Variants in CYP2C18 observed in about 807,000 individuals in gnomAD.
CYP2C18 encodes the protein cytochrome P450 family 2 subfamily C member 18, also known as cytochrome P450 2C18.
A neutral mutation model predicts 41.3 loss-of-function variants in CYP2C18; 38 were observed. That is an observed-to-expected ratio of 0.92 (90% CI 0.71 to 1.21). CYP2C18 has a LOEUF of 1.21. Among genes scored for constraint, CYP2C18 ranks in the 50% most tolerant of loss-of-function variants. The pLI is 0.00. For synonymous variants in CYP2C18, 236 were observed against 210.0 expected, an observed-to-expected ratio of 1.12 and a Z score of -1.07; for missense variants, 635 against 591.4, an observed-to-expected ratio of 1.07 and a Z score of -0.77.
In CYP2C18 at chr10:94,733,345, G is replaced by T. The variant is rs1484221641; in HGVS notation, c.1198G>T (p.Glu400Ter). ...SLTSVLHNDK[E>*]FPNPEMFDPG... The stretch of plus-strand genomic sequence containing the variant: ...GACTTCTGTGCTGCACAATGACAAA[G>T]AATTCCCCAACCCAGAGATGTTTGA... Residue 400 changes from glutamate (E) to a stop codon, truncating the protein, a stop_gained, in exon 8 of 9, where the codon GAA (glutamate) becomes TAA (stop). Transcript: ENST00000285979. LOFTEE classifies it high-confidence loss of function. 7 of 1,613,424 alleles carry T rather than the reference G, an allele frequency of 4.3e-6. No homozygotes were observed. The East Asian group carries it at 1.1e-4, about 26-fold the overall frequency.
chr10:94,699,676 G>T (rs1847195361), intron 4 of CYP2C18, among the ~76,000 whole-genome samples: 1 of 152,162 alleles, frequency 6.6e-6, no homozygotes, highest in Non-Finnish European at 1.5e-5. Context: ...AGTAAAGGAG[G>T]AAGTAAAATT....
At chr10:94,714,470 C>A (rs556178821) in intron 5 of CYP2C18, among the ~76,000 whole-genome samples, 1 of 152,084 alleles carries the variant, frequency 6.6e-6, no homozygotes, top group South Asian at 2.1e-4. Flanking sequence ...TCAGGTTTGT[C>A]AAAGATCAGA....
chr10:94,695,013 G>T lies in CYP2C18; in HGVS notation c.578G>T (p.Arg193Met). The change falls in exon 4 of 9, where the codon AGG (arginine) becomes ATG (methionine). Residue 193 changes from arginine to methionine, a missense_variant. Physicochemically the swap from Arg to Met is moderately conservative, Grantham distance 91 (BLOSUM62 -1). Coordinates refer to ENST00000285979, the MANE Select transcript of CYP2C18 (RefSeq NM_000772.3). ...GATCGATTTGATTATAAAGATCAGAGGTTTCTTAACTTGATGGAAAAATTC... is the reference window on the plus strand; with the variant it reads ...GATCGATTTGATTATAAAGATCAGATGTTTCTTAACTTGATGGAAAAATTC... ...FHDRFDYKDQ[R>M]FLNLMEKFNE... The T allele has an allele frequency of 6.2e-7, 1 of 1,613,236 alleles. No individual in the cohort carries two copies. Among genetic ancestry groups the T allele is most frequent in the Non-Finnish European group, 8.5e-7 (1 of 1,179,880 alleles).
intron 5 of CYP2C18, among the ~76,000 whole-genome samples, chr10:94,718,039 T>A (rs1460777407): frequency 2.0e-5 from 3 of 152,058 alleles, no homozygotes; most frequent in Admixed American, 6.6e-5. Flanking sequence ...CATAAATTTC[T>A]TTAGATAGTA....
At chr10:94,684,084 G>A (rs1295844740) in intron 1 of CYP2C18, 97 bp downstream of exon 1, 2 of 848,346 alleles carry the variant, frequency 2.4e-6, no homozygotes, top group African/African-American at 1.7e-5. Flanking sequence ...AATGATAATT[G>A]TATATATTAA....
At chr10:94,697,870 A>C (rs1382185245) in intron 4 of CYP2C18, among the ~76,000 whole-genome samples, 2 of 152,234 alleles carry the variant, frequency 1.3e-5, no homozygotes, top group Admixed American at 6.5e-5. Flanking sequence ...AACAAAGATC[A>C]AAAGAGACAA....
Position 94,683,748 on chromosome 10 carries a change from G to A in CYP2C18, c.-72G>A. 1 of 1,185,402 alleles carries A rather than the reference G, an allele frequency of 8.4e-7. No homozygotes were observed. The highest frequency in any genetic ancestry group is 2.5e-5 in the East Asian group (1 of 39,866). 73.4% of individuals were successfully genotyped at this position (1,185,402 alleles called of 1,614,324 possible). On this transcript the variant is annotated 5_prime_UTR_variant, in exon 1 of 9. Transcript: ENST00000285979. ...ACAGTCAGAGTCAGAATCACAGGTG[G>A]ATTAGTAGGGAGTGTTATAAAAGCC...
intron 2 of CYP2C18, 75 bp downstream of exon 2, chr10:94,688,007 A>G (rs1403204105): frequency 6.3e-7 from 1 of 1,595,564 alleles, no homozygotes; most frequent in Non-Finnish European, 8.6e-7. Context: ...GGGAGGATGG[A>G]AAACAGGCTT....
chr10:94,716,123 T>A (rs2134198526), intron 5 of CYP2C18, among the ~76,000 whole-genome samples: 1 of 152,310 alleles, frequency 6.6e-6, no homozygotes, highest in South Asian at 2.1e-4. Flanking sequence ...GTTGATCTTT[T>A]CAAAAAACCA....
chr10:94,706,128 G>A (rs1242499389), intron 4 of CYP2C18, among the ~76,000 whole-genome samples: 2 of 152,162 alleles, frequency 1.3e-5, no homozygotes, highest in East Asian at 3.8e-4. Flanking sequence ...AGGTTAAGAT[G>A]ACAAAATGAT....
intron 6 of CYP2C18, among the ~76,000 whole-genome samples, chr10:94,720,747 G>A (rs1847633417): frequency 6.6e-6 from 1 of 152,100 alleles, no homozygotes; most frequent in Admixed American, 6.6e-5. Context: ...AAGACAGTGT[G>A]ATCAGTAGCA....
At chr10:94,696,079 C>T (rs913126745) in intron 4 of CYP2C18, among the ~76,000 whole-genome samples, 37 of 152,128 alleles carry the variant, frequency 2.4e-4, no homozygotes, top group African/African-American at 8.7e-4. Flanking sequence ...AAACAAAAGG[C>T]AGCAGAAAAC....
intron 4 of CYP2C18, among the ~76,000 whole-genome samples, chr10:94,700,824 C>A (rs151241697): frequency 0.012 from 1,762 of 152,278 alleles, 21 homozygotes; most frequent in Non-Finnish European, 0.016. Flanking sequence ...TGAACAGACA[C>A]TTCTCAAAAG....
At chr10:94,698,697 T>A (rs539686169) in intron 4 of CYP2C18, among the ~76,000 whole-genome samples, 14 of 152,198 alleles carry the variant, frequency 9.2e-5, no homozygotes, top group African/African-American at 3.4e-4. Context: ...CAGGAGCTGG[T>A]TTTTTTAAAA....
intron 5 of CYP2C18, among the ~76,000 whole-genome samples, chr10:94,714,033 T>C (rs999322663): frequency 2.0e-5 from 3 of 152,240 alleles, no homozygotes; most frequent in Non-Finnish European, 4.4e-5. Flanking sequence ...GGTTGTTTTT[T>C]TTCTTGTAAA....
At chr10:94,735,099 G>A (rs886530587) in intron 8 of CYP2C18, among the ~76,000 whole-genome samples, 164 bp from the exon 9 acceptor site, 5 of 145,664 alleles carry the variant, frequency 3.4e-5, no homozygotes, top group Non-Finnish European at 7.5e-5. Context: ...TAGATAGGAA[G>A]TGTATTCATT....
rs1268064483 is a variant in CYP2C18 at position 94,710,396 on chromosome 10, C to T, written c.819+3436C>T. 2.6e-5 allele frequency among the ~76,000 whole-genome samples: 4 copies of T among 152,286 alleles called. No individual in the cohort carries two copies. The East Asian group carries it at 7.7e-4, about 29-fold the overall frequency. On this transcript the variant is annotated intron_variant, in intron 5 of 8. Transcript: ENST00000285979. ...AGTTCCCCATGAATTTTATGGTAAT[C>T]TTGTCCATTTCTATTAAAAAGGTAA...
At position 94,700,247 on chromosome 10, in the gene CYP2C18, G is replaced by C. The variant is rs548849728; in HGVS notation, c.642+5170G>C. On this transcript the variant is annotated intron_variant, in intron 4 of 8. Transcript: ENST00000285979. ...AAACTATACTACAAGGCTACAGTAAGCAAAACAGCATGGTACTGCTACCAA... is the reference window on the plus strand; with the variant it reads ...AAACTATACTACAAGGCTACAGTAACCAAAACAGCATGGTACTGCTACCAA... Among the ~76,000 whole-genome samples the C allele has an allele frequency of 3.3e-5, 5 of 152,210 alleles. No individual in the cohort carries two copies. In the East Asian group the frequency reaches 7.7e-4, roughly 24 times the overall value.
chr10:94,696,474 A>G (rs554364244), intron 4 of CYP2C18, among the ~76,000 whole-genome samples: 219 of 152,260 alleles, frequency 1.4e-3, no homozygotes, highest in African/African-American at 5.1e-3. Flanking sequence ...CCAAAACCCC[A>G]TCTGTACGTC....
Sources: gnomAD v4.1 joint callset for allele counts (sites outside exome capture counted in the v4.1 genomes callset) on GRCh38, gnomAD v4.1.1 for gene constraint, MANE v1.5 for transcripts, NCBI Gene and HGNC (gene_info 2026-07-23, HGNC 2026-07-21) for gene names.